Variants in CRHR1 observed in about 807,000 individuals in gnomAD.
CRHR1 encodes the protein corticotropin releasing hormone receptor 1.
Under a neutral mutation model 56.0 loss-of-function variants are expected in CRHR1, and 28 were observed. That is an observed-to-expected ratio of 0.50 (90% CI 0.37 to 0.69). The LOEUF (loss-of-function observed/expected upper bound fraction) is 0.69, where lower values mean the gene tolerates loss of function less well. CRHR1 is among the 30% of genes least tolerant of loss of function. CRHR1 has a pLI of 0.00. For synonymous variants in CRHR1, 195 were observed against 216.5 expected (o/e 0.90, Z 0.87); for missense variants, 376 against 548.0 (o/e 0.69, Z 3.13).
At chr17:45,818,166 C>T (rs2061967320) in intron 3 of CRHR1, among the ~76,000 whole-genome samples, 1 of 152,192 alleles carries the variant, frequency 6.6e-6, no homozygotes, top group East Asian at 1.9e-4. Flanking sequence ...AGCGCCACCG[C>T]CCAGCCTCAG....
chr17:45,823,016 T>C, intron 4 of CRHR1, among the ~76,000 whole-genome samples: 1 of 138,108 alleles, frequency 7.2e-6, no homozygotes. Flanking sequence ...TGGTGGCGCA[T>C]CCCTGTAATC....
chr17:45,802,154 A>G (rs2061635122), intron 1 of CRHR1, among the ~76,000 whole-genome samples: 1 of 152,064 alleles, frequency 6.6e-6, no homozygotes, highest in African/African-American at 2.4e-5. Flanking sequence ...GTGAAACCTC[A>G]TCTCTACTGA....
At chr17:45,810,067 G>A (rs2061792142) in intron 2 of CRHR1, among the ~76,000 whole-genome samples, 1 of 152,134 alleles carries the variant, frequency 6.6e-6, no homozygotes, top group Admixed American at 6.5e-5. Flanking sequence ...ATCACTTGAG[G>A]TCAGGTGTTC....
chr17:45,795,370 G>A (rs750081236), intron 1 of CRHR1, among the ~76,000 whole-genome samples: 4 of 152,216 alleles, frequency 2.6e-5, no homozygotes, highest in Non-Finnish European at 4.4e-5. Flanking sequence ...CTGGGATGGA[G>A]CATTGAAACC....
chr17:45,786,879 G>A (rs538463381), intron 1 of CRHR1, among the ~76,000 whole-genome samples: 13 of 152,150 alleles, frequency 8.5e-5, no homozygotes, highest in South Asian at 2.1e-4. Flanking sequence ...GGGCTCAAGC[G>A]ATCAGCCAGC....
chr17:45,789,096 C>G (rs775624329), intron 1 of CRHR1, among the ~76,000 whole-genome samples: 1 of 152,268 alleles, frequency 6.6e-6, no homozygotes, highest in Admixed American at 6.5e-5. Flanking sequence ...CAGTGAAACT[C>G]CAGCGCTTTT....
intron 1 of CRHR1, among the ~76,000 whole-genome samples, chr17:45,798,088 C>T (rs1250762014): frequency 6.6e-6 from 1 of 152,110 alleles, no homozygotes; most frequent in African/African-American, 2.4e-5. Context: ...CCTACAATCT[C>T]CTGCTGGGAA....
In CRHR1 at chr17:45,797,384, G is replaced by A. The variant is rs955702545; in HGVS notation, c.34-9626G>A. Among the ~76,000 whole-genome samples the A allele has an allele frequency of 4.4e-5, 6 of 137,024 alleles. No individual in the cohort carries two copies. In the Admixed American group the frequency reaches 4.7e-4, roughly 11 times the overall value. The allele number at this position is 137,024 out of a possible 152,430, so 89.9% of individuals were successfully genotyped here. On this transcript the variant is annotated intron_variant, in intron 1 of 12. Transcript: ENST00000314537. ...CGGCTCACTGCAAGCTCCGCCTCCCGGGTTCATGCCATTCTCCTGCCTCAG... is the reference window on the plus strand; with the variant it reads ...CGGCTCACTGCAAGCTCCGCCTCCCAGGTTCATGCCATTCTCCTGCCTCAG...
At chr17:45,814,260 G>A (rs146201162) in intron 2 of CRHR1, among the ~76,000 whole-genome samples, 2 of 152,324 alleles carry the variant, frequency 1.3e-5, no homozygotes, top group East Asian at 3.9e-4. Flanking sequence ...AGGTACAATG[G>A]TGCCATTAAA....
chr17:45,785,145 G>A (rs1254323176), intron 1 of CRHR1, among the ~76,000 whole-genome samples: 3 of 152,220 alleles, frequency 2.0e-5, no homozygotes, highest in Non-Finnish European at 4.4e-5. Flanking sequence ...TGCCTCTGGC[G>A]GCAGTTCCTG....
At chr17:45,817,769 A>G (rs1419148002) in intron 3 of CRHR1, among the ~76,000 whole-genome samples, 2 of 152,118 alleles carry the variant, frequency 1.3e-5, no homozygotes, top group African/African-American at 4.8e-5. Context: ...TGTCCTGGCC[A>G]TGGGAGGGAC....
At position 45,792,579 on chromosome 17, in the gene CRHR1, G is replaced by A. The variant is rs114265076; in HGVS notation, c.33+8002G>A. On this transcript the variant is annotated intron_variant, in intron 1 of 12. Coordinates refer to ENST00000314537, the MANE Select transcript of CRHR1 (RefSeq NM_004382.5). Reference sequence around the variant, plus strand: ...CTCTTACAGGAGCTTCTGCCCCCAAGTCTTTCTGTGCCAATCTTCATCTGT... The same window carrying A: ...CTCTTACAGGAGCTTCTGCCCCCAAATCTTTCTGTGCCAATCTTCATCTGT... Among the ~76,000 whole-genome samples the A allele has an allele frequency of 5.4e-3, 815 of 152,234 alleles. 8 individuals are homozygous for A. The highest frequency in any genetic ancestry group is 0.018 in the African/African-American group (763 of 41,500).
rs1232566923 is a variant in CRHR1, at chr17:45,830,587, C to A, written c.709+17C>A. 8.2e-6 allele frequency: 13 copies of A among 1,590,934 alleles called. No individual in the cohort carries two copies. The African/African-American group carries it at 1.5e-4, about 18-fold the overall frequency. ...TTGGCTGGGGTGAGCTGGGCAGCCA[C>A]CTCCGCAGCCTGGGCAGTGGCGGCC... On this transcript the variant is annotated intron_variant, in intron 7 of 12. Coordinates refer to ENST00000314537, the MANE Select transcript of CRHR1 (RefSeq NM_004382.5).
chr17:45,807,502 C>T (rs913606043), intron 2 of CRHR1, among the ~76,000 whole-genome samples: 3 of 152,222 alleles, frequency 2.0e-5, no homozygotes, highest in Admixed American at 6.5e-5. Context: ...GAGTGTAATA[C>T]TCCACGGTGC....
At chr17:45,830,983 C>G (rs772106835) in intron 8 of CRHR1, 43 bp downstream of exon 8, 1 of 1,594,770 alleles carries the variant, frequency 6.3e-7, no homozygotes, top group African/African-American at 1.3e-5. Context: ...GGTTTAGGCT[C>G]CCAGCCCAGC....
chr17:45,829,465 C>A, intron 5 of CRHR1, 144 bp downstream of exon 5: 14 of 1,354,234 alleles, frequency 1.0e-5, no homozygotes, highest in Non-Finnish European at 1.0e-6. Context: ...AGTCTCAGGT[C>A]TCTGGGAACC....
At chr17:45,787,087 G>A (rs184578590) in intron 1 of CRHR1, among the ~76,000 whole-genome samples, 239 of 152,338 alleles carry the variant, frequency 1.6e-3, no homozygotes, top group Non-Finnish European at 2.6e-3. Flanking sequence ...AAGTCAGCCA[G>A]TGTTGGGAAA....
intron 2 of CRHR1, among the ~76,000 whole-genome samples, chr17:45,810,837 G>A (rs914253737): frequency 1.6e-4 from 24 of 152,320 alleles, no homozygotes; most frequent in African/African-American, 4.6e-4. Flanking sequence ...TGAGGTGGCC[G>A]AGCAAAGACC....
At chr17:45,814,383 G>A (rs144069670) in intron 2 of CRHR1, among the ~76,000 whole-genome samples, 34 of 152,270 alleles carry the variant, frequency 2.2e-4, no homozygotes, top group African/African-American at 7.2e-4. Flanking sequence ...CTCACAATGT[G>A]GCGTAATGGA....
Sources: gnomAD v4.1 joint callset for allele counts (sites outside exome capture counted in the v4.1 genomes callset) on GRCh38, gnomAD v4.1.1 for gene constraint, MANE v1.5 for transcripts, NCBI Gene and HGNC (gene_info 2026-07-23, HGNC 2026-07-21) for gene names.